The following CHCHD3 variants were observed in gnomAD, a reference collection of about 807,000 sequenced individuals.
The protein encoded by CHCHD3 is coiled-coil-helix-coiled-coil-helix domain containing 3.
In CHCHD3, 20 loss-of-function variants were observed where a neutral mutation model predicts 38.2. The observed-to-expected ratio is 0.52, with a 90% CI of 0.37 to 0.76. The LOEUF (loss-of-function observed/expected upper bound fraction) is 0.76. Ranked by LOEUF, CHCHD3 falls within the 30% of genes least tolerant of loss-of-function variation. The pLI is 0.00. For missense variants in CHCHD3, 245 were observed against 279.2 expected (o/e 0.88, Z 0.87); for synonymous variants, 82 against 100.0 (o/e 0.82, Z 1.07).
At position 132,934,281 on chromosome 7, in the gene CHCHD3, C is replaced by G. The variant is rs1390745820; in HGVS notation, c.369+40888G>C. On this transcript the variant is annotated intron_variant, in intron 4 of 7. Coordinates refer to ENST00000262570, the MANE Select transcript of CHCHD3 (RefSeq NM_017812.4). ...ACTGCTCTACACACCGCATTTGGTTCTATTCCTTGAAACATCCTCTCACTG... is the reference window on the plus strand; with the variant it reads ...ACTGCTCTACACACCGCATTTGGTTGTATTCCTTGAAACATCCTCTCACTG... Among the ~76,000 whole-genome samples, 4 of 152,214 alleles carry G rather than the reference C, an allele frequency of 2.6e-5. No individual in the cohort carries two copies. In the East Asian group the frequency reaches 7.7e-4, roughly 29 times the overall value.
At chr7:133,050,340 TAAAAAAAAAAAAAA>T (rs35635002) in intron 2 of CHCHD3, among the ~76,000 whole-genome samples, 45 of 31,844 alleles carry the variant, frequency 1.4e-3, no homozygotes, top group South Asian at 7.1e-3. Context: ...GGCTGTGTCT[TAAAAAAAAAAAAAA>T]AAAAAAAAAA....
chr7:132,891,626 C>T (rs955660765), intron 4 of CHCHD3, among the ~76,000 whole-genome samples: 1 of 152,200 alleles, frequency 6.6e-6, no homozygotes, highest in African/African-American at 2.4e-5. Flanking sequence ...ATACTAATAA[C>T]ATACAGAAAA....
chr7:133,038,729 C>T (rs1813747719), intron 2 of CHCHD3, among the ~76,000 whole-genome samples: 1 of 152,052 alleles, frequency 6.6e-6, no homozygotes, highest in Non-Finnish European at 1.5e-5. Context: ...CAACAAATAC[C>T]CCGCAACATT....
At chr7:133,051,212 G>C (rs528602664) in intron 2 of CHCHD3, among the ~76,000 whole-genome samples, 66 of 152,302 alleles carry the variant, frequency 4.3e-4, no homozygotes, top group African/African-American at 1.6e-3. Flanking sequence ...TTGTAAGCCA[G>C]TGGGGGCACT....
chr7:133,009,467 C>A (rs1347638967), intron 3 of CHCHD3, among the ~76,000 whole-genome samples: 5 of 151,280 alleles, frequency 3.3e-5, no homozygotes, highest in Admixed American at 6.6e-5. Context: ...CTGGAGAGAG[C>A]CCTGATTCCC....
At chr7:132,918,689 CT>C (rs1471414101) in intron 4 of CHCHD3, among the ~76,000 whole-genome samples, 1 of 152,196 alleles carries the variant, frequency 6.6e-6, no homozygotes, top group East Asian at 1.9e-4. Context: ...AGATTTCCCC[CT>C]AATCCTCCAC....
At chr7:132,798,769 T>G (rs1806687466) in intron 6 of CHCHD3, among the ~76,000 whole-genome samples, 1 of 152,134 alleles carries the variant, frequency 6.6e-6, no homozygotes, top group South Asian at 2.1e-4. Flanking sequence ...AAGAAGACAG[T>G]TTATTTTTTC....
intron 3 of CHCHD3, among the ~76,000 whole-genome samples, chr7:132,986,043 A>AT (rs1011864325): frequency 4.6e-5 from 7 of 150,632 alleles, no homozygotes; most frequent in African/African-American, 1.7e-4. Flanking sequence ...GAGACTTTTC[A>AT]TTTTGTTCTG....
chr7:133,055,382 TTA>T (rs1814289486), intron 2 of CHCHD3, among the ~76,000 whole-genome samples: 2 of 145,224 alleles, frequency 1.4e-5, no homozygotes, highest in Admixed American at 6.9e-5. Context: ...TTAATTATAA[TTA>T]TGTTATATAA....
At chr7:132,983,775 T>C (rs1375299539) in intron 3 of CHCHD3, among the ~76,000 whole-genome samples, 2 of 152,060 alleles carry the variant, frequency 1.3e-5, no homozygotes, top group East Asian at 1.9e-4. Context: ...GTAAGTACCA[T>C]AGATTGAGGT....
chr7:133,076,515 A>C (rs1427776174), intron 1 of CHCHD3, among the ~76,000 whole-genome samples: 1 of 152,220 alleles, frequency 6.6e-6, no homozygotes, highest in Non-Finnish European at 1.5e-5. Context: ...TATTGCTCCT[A>C]AAGACAAATT....
chr7:132,838,807 G>T (rs1807862611), intron 5 of CHCHD3, among the ~76,000 whole-genome samples: 3 of 152,158 alleles, frequency 2.0e-5, no homozygotes, highest in South Asian at 2.1e-4. Flanking sequence ...GGATGCCTGA[G>T]ATCAAAAACT....
chr7:132,955,542 G>GTT (rs112242604), intron 4 of CHCHD3, among the ~76,000 whole-genome samples: 3,908 of 135,886 alleles, frequency 0.029, 159 homozygotes, highest in African/African-American at 0.099. Context: ...GGGGTTTTTT[G>GTT]TTTTTTTTTT....
chr7:132,812,200 CTTTTTTTTTTTT>C (rs71529779), intron 6 of CHCHD3, among the ~76,000 whole-genome samples: 4 of 81,076 alleles, frequency 4.9e-5, no homozygotes, highest in African/African-American at 1.3e-4. Flanking sequence ...TTTTTCTTTT[CTTTTTTTTTTTT>C]TTTTTTTTTT....
At chr7:133,017,128 G>T (rs1813053309) in intron 3 of CHCHD3, among the ~76,000 whole-genome samples, 1 of 152,202 alleles carries the variant, frequency 6.6e-6, no homozygotes, top group African/African-American at 2.4e-5. Context: ...AAAATAGGCT[G>T]ACACAGCTCT....
intron 4 of CHCHD3, among the ~76,000 whole-genome samples, chr7:132,935,494 G>A (rs1226664709): frequency 2.6e-5 from 4 of 152,190 alleles, no homozygotes; most frequent in Non-Finnish European, 4.4e-5. Flanking sequence ...GGGTCAGGAT[G>A]TAAAATATAT....
chr7:133,028,615 G>A (rs768607971), intron 2 of CHCHD3, among the ~76,000 whole-genome samples: 12 of 152,052 alleles, frequency 7.9e-5, no homozygotes, highest in Non-Finnish European at 1.5e-4. Flanking sequence ...GGCCAGGTGC[G>A]GTGGCTCACG....
At chr7:132,843,864 A>T (rs1808003541) in intron 5 of CHCHD3, among the ~76,000 whole-genome samples, 1 of 152,226 alleles carries the variant, frequency 6.6e-6, no homozygotes. Context: ...GACTTGTATG[A>T]TCTGTGCTCA....
chr7:133,075,447 C>T (rs982622562), intron 1 of CHCHD3, among the ~76,000 whole-genome samples: 1 of 152,232 alleles, frequency 6.6e-6, no homozygotes, highest in African/African-American at 2.4e-5. Flanking sequence ...ACTCCAAGCA[C>T]TATTACCCTA....
Sources: allele counts gnomAD v4.1 joint callset (sites outside exome capture counted in the v4.1 genomes callset), GRCh38; gene constraint gnomAD v4.1.1; transcripts MANE v1.5; gene names NCBI Gene and HGNC (gene_info 2026-07-23, HGNC 2026-07-21).